The following TCERG1L variants were observed in gnomAD, a reference collection of about 807,000 sequenced individuals.
TCERG1L encodes transcription elongation regulator 1-like protein.
TCERG1L carries 37 observed loss-of-function variants against 56.3 expected under a neutral mutation model. The ratio of observed to expected loss-of-function variants is 0.66; its 90% CI spans 0.51 to 0.87. The LOEUF (loss-of-function observed/expected upper bound fraction) is 0.87. Among genes scored for constraint, TCERG1L ranks in the 40% least tolerant of loss-of-function variants. The probability of loss-of-function intolerance (pLI) is 0.00; values close to 1 mark genes in which losing one functional copy is unlikely to be tolerated. For synonymous variants in TCERG1L, 324 were observed against 326.3 expected (o/e 0.99, Z 0.08); for missense variants, 799 against 774.2 (o/e 1.03, Z -0.38).
At chr10:131,190,176 G>A (rs1205271593) in intron 4 of TCERG1L, among the ~76,000 whole-genome samples, 3 of 152,072 alleles carry the variant, frequency 2.0e-5, no homozygotes, top group South Asian at 2.1e-4. Flanking sequence ...AAACCTACAG[G>A]AAATGGACAA....
At chr10:131,115,248 C>T (rs1403781319) in intron 9 of TCERG1L, among the ~76,000 whole-genome samples, 2 of 152,232 alleles carry the variant, frequency 1.3e-5, no homozygotes, top group Non-Finnish European at 2.9e-5. Flanking sequence ...ACACGGTGAT[C>T]ACCCGGCAGC....
chr10:131,219,377 C>T (rs1845705754), intron 4 of TCERG1L, among the ~76,000 whole-genome samples: 1 of 152,204 alleles, frequency 6.6e-6, no homozygotes, highest in Non-Finnish European at 1.5e-5. Flanking sequence ...GCTGGCCGAC[C>T]CCAGGACCGC....
chr10:131,137,165 C>A (rs575871507), intron 7 of TCERG1L, among the ~76,000 whole-genome samples: 2 of 151,758 alleles, frequency 1.3e-5, no homozygotes, highest in East Asian at 3.9e-4. Context: ...AACAAACAAA[C>A]AAAAAACCGA....
At chr10:131,159,362 C>T (rs1564804155) in intron 6 of TCERG1L, among the ~76,000 whole-genome samples, 2 of 152,178 alleles carry the variant, frequency 1.3e-5, no homozygotes, top group Admixed American at 6.5e-5. Context: ...TGTTGAGGCC[C>T]CTCCCCAATG....
intron 9 of TCERG1L, among the ~76,000 whole-genome samples, chr10:131,110,734 T>C (rs1210008791): frequency 6.6e-6 from 1 of 152,216 alleles, no homozygotes; most frequent in Non-Finnish European, 1.5e-5. Context: ...AAAGCCTCTC[T>C]GGAGACTGAG....
intron 1 of TCERG1L, among the ~76,000 whole-genome samples, chr10:131,309,912 T>C (rs949344942): frequency 9.1e-5 from 13 of 142,216 alleles, no homozygotes; most frequent in Non-Finnish European, 2.0e-4. Context: ...ACATCAGTCA[T>C]GGAAAGGGGC....
intron 4 of TCERG1L, among the ~76,000 whole-genome samples, chr10:131,188,346 C>A (rs76684910): frequency 6.6e-6 from 1 of 152,104 alleles, no homozygotes; most frequent in East Asian, 1.9e-4. Flanking sequence ...ACCTAGAAAA[C>A]GGGCTTCTGA....
chr10:131,212,482 T>G (rs905336087), intron 4 of TCERG1L, among the ~76,000 whole-genome samples: 2 of 152,248 alleles, frequency 1.3e-5, no homozygotes, highest in African/African-American at 4.8e-5. Context: ...TGTTCATCTA[T>G]GCTTGGCATC....
At chr10:131,216,764 G>A (rs1288379793) in intron 4 of TCERG1L, among the ~76,000 whole-genome samples, 2 of 152,216 alleles carry the variant, frequency 1.3e-5, no homozygotes, top group Non-Finnish European at 2.9e-5. Context: ...GATGTGTCTT[G>A]TGCTGGCTGC....
Position 131,093,089 on chromosome 10 carries a change from G to C in TCERG1L, c.*73C>G. On this transcript the variant is annotated 3_prime_UTR_variant, in exon 12 of 12. Transcript: ENST00000368642. ...TCTCGGCCGCCCCACGCCCGTGTCCGTCTCCACCGTGACCCCCTCGCCCCC... is the reference window on the plus strand; with the variant it reads ...TCTCGGCCGCCCCACGCCCGTGTCCCTCTCCACCGTGACCCCCTCGCCCCC... 1 of 1,531,624 alleles carries C rather than the reference G, an allele frequency of 6.5e-7. No homozygotes were observed. Among genetic ancestry groups the C allele is most frequent in the South Asian group, 1.2e-5 (1 of 80,396 alleles). 94.9% of individuals were successfully genotyped at this position (1,531,624 alleles called of 1,614,324 possible). A position where few individuals can be genotyped will look rare whatever the true frequency, so the allele number is the denominator to read the frequency against.
At chr10:131,249,405 A>AGTGGCTCC (rs1391273230) in intron 4 of TCERG1L, among the ~76,000 whole-genome samples, 23 of 151,436 alleles carry the variant, frequency 1.5e-4, no homozygotes, top group African/African-American at 5.3e-4. Context: ...CAGCCCTGAC[A>AGTGGCTCC]ATGGCTCCAC....
chr10:131,296,912 C>A (rs2118636), intron 3 of TCERG1L, among the ~76,000 whole-genome samples: 64,724 of 152,000 alleles, frequency 0.43, 14,621 homozygotes, highest in East Asian at 0.6. Context: ...TACAGGGGTA[C>A]AATTGAATTT....
At chr10:131,158,615 G>T in intron 6 of TCERG1L, among the ~76,000 whole-genome samples, 1 of 152,144 alleles carries the variant, frequency 6.6e-6, no homozygotes, top group East Asian at 1.9e-4. Context: ...CTGCTTGGCC[G>T]GCCCACCTAT....
At chr10:131,305,677 T>C (rs1487431578) in intron 3 of TCERG1L, among the ~76,000 whole-genome samples, 1 of 152,088 alleles carries the variant, frequency 6.6e-6, no homozygotes, top group Non-Finnish European at 1.5e-5. Flanking sequence ...TCACTAGACC[T>C]GTTTACAATG....
chr10:131,184,854 C>A (rs2944456), intron 4 of TCERG1L, among the ~76,000 whole-genome samples: 132,009 of 152,228 alleles, frequency 0.87, 59,925 homozygotes, highest in Non-Finnish European at 0.99. Context: ...GGTCCTTTAG[C>A]CATGAGGCAA....
At chr10:131,093,783 G>A (rs10829898) in intron 11 of TCERG1L, among the ~76,000 whole-genome samples, 35,173 of 152,008 alleles carry the variant, frequency 0.23, 5,225 homozygotes, top group African/African-American at 0.41. Context: ...CAGGCCAGGG[G>A]GTCTTCTTTG....
At chr10:131,254,636 AAG>A (rs1209956415) in intron 4 of TCERG1L, among the ~76,000 whole-genome samples, 3 of 152,112 alleles carry the variant, frequency 2.0e-5, no homozygotes, top group African/African-American at 7.2e-5. Flanking sequence ...AAGGTGGGCA[AAG>A]AGAGGAGGAG....
At chr10:131,146,712 A>G in intron 6 of TCERG1L, 52 bp from the exon 7 acceptor site, 1 of 1,554,540 alleles carries the variant, frequency 6.4e-7, no homozygotes, top group Non-Finnish European at 8.7e-7. Flanking sequence ...ACTTAATTAG[A>G]AAGTCGTTAG....
chr10:131,293,484 C>T (rs1461942027), intron 3 of TCERG1L, among the ~76,000 whole-genome samples: 1 of 152,078 alleles, frequency 6.6e-6, no homozygotes. Flanking sequence ...AACCCCTCCC[C>T]GACCAGAGAC....
Sources: allele counts gnomAD v4.1 joint callset (sites outside exome capture counted in the v4.1 genomes callset), GRCh38; gene constraint gnomAD v4.1.1; transcripts MANE v1.5; gene names NCBI Gene and HGNC (gene_info 2026-07-23, HGNC 2026-07-21).